NAV1: variants seen among roughly 807,000 people sequenced by gnomAD.
The protein encoded by NAV1 is neuron navigator 1.
A neutral mutation model predicts 175.2 loss-of-function variants in NAV1; 18 were observed. The ratio of observed to expected loss-of-function variants is 0.10; its 90% CI spans 0.07 to 0.15. The LOEUF (loss-of-function observed/expected upper bound fraction) is 0.15. NAV1 is among the 10% of genes least tolerant of loss of function. NAV1 has a pLI of 1.00. For missense variants in NAV1, 1,731 were observed against 2,436.6 expected, an observed-to-expected ratio of 0.71 and a Z score of 6.10; for synonymous variants, 897 against 978.7, an observed-to-expected ratio of 0.92 and a Z score of 1.56.
At chr1:201,817,056 C>T in intron 28 of NAV1, 32 bp from the exon 33 acceptor site, 1 of 1,602,984 alleles carries the variant, frequency 6.2e-7, no homozygotes, top group South Asian at 1.1e-5. Flanking sequence ...CTGTTAATTC[C>T]CCACAGTAAT....
At chr1:201,701,560 A>G (rs1295457415) in intron 1 of NAV1, among the ~76,000 whole-genome samples, 2 of 152,210 alleles carry the variant, frequency 1.3e-5, no homozygotes, top group Non-Finnish European at 2.9e-5. Flanking sequence ...GCTATTGAAC[A>G]CTTGAAATGT....
chr1:201,785,038 G>A (rs1229936976), intron 7 of NAV1, among the ~76,000 whole-genome samples: 1 of 152,186 alleles, frequency 6.6e-6, no homozygotes, highest in Non-Finnish European at 1.5e-5. Context: ...AAAGTGCTGG[G>A]ATTACAGGCG....
chr1:201,700,413 C>T (rs974253603), intron 1 of NAV1, among the ~76,000 whole-genome samples: 4 of 152,000 alleles, frequency 2.6e-5, no homozygotes, highest in Non-Finnish European at 4.4e-5. Flanking sequence ...GTTAGAATGG[C>T]GATCATTAAA....
chr1:201,690,507 A>G (rs1472666395), intron 1 of NAV1, among the ~76,000 whole-genome samples: 1 of 142,260 alleles, frequency 7.0e-6, no homozygotes, highest in African/African-American at 2.7e-5. Flanking sequence ...TGTCTGTGGC[A>G]GAGTGCTGGC....
chr1:201,705,024 G>T (rs1267792306), intron 1 of NAV1, among the ~76,000 whole-genome samples: 1 of 152,120 alleles, frequency 6.6e-6, no homozygotes, highest in East Asian at 1.9e-4. Context: ...TTGCTGTGTT[G>T]CCCAGGCTGG....
chr1:201,558,702 G>A (rs1040178177), intron 1 of NAV1, among the ~76,000 whole-genome samples: 2 of 152,140 alleles, frequency 1.3e-5, no homozygotes, highest in Admixed American at 6.5e-5. Context: ...CACCCGCCTC[G>A]GCCTCCCAAA....
chr1:201,638,383 TG>T (rs1668665752), intron 2 of NAV1, among the ~76,000 whole-genome samples: 2 of 152,178 alleles, frequency 1.3e-5, no homozygotes, highest in African/African-American at 4.8e-5. Context: ...CAGGATTCTG[TG>T]GGGCAGTCTT....
intron 1 of NAV1, among the ~76,000 whole-genome samples, chr1:201,541,869 A>G (rs900579690): frequency 2.6e-5 from 4 of 152,184 alleles, no homozygotes; most frequent in African/African-American, 7.2e-5. Flanking sequence ...TGGGCCCAGT[A>G]GAAAGGAGTG....
At chr1:201,721,813 T>C (rs1316539298) in intron 3 of NAV1, among the ~76,000 whole-genome samples, 1 of 152,162 alleles carries the variant, frequency 6.6e-6, no homozygotes, top group Non-Finnish European at 1.5e-5. Flanking sequence ...GAGTGAGCCA[T>C]AAAAGATGAC....
At chr1:201,629,436 C>G in exon 2 of NAV1, 1 of 1,304,134 alleles carries the variant, frequency 7.7e-7, no homozygotes, top group Non-Finnish European at 1.0e-6. Context: ...GGCCCCCTCT[C>G]CCAGGGCAGC....
upstream of NAV1, among the ~76,000 whole-genome samples, chr1:201,643,437 T>C (rs1398790511): frequency 1.3e-5 from 2 of 151,090 alleles, no homozygotes; most frequent in Non-Finnish European, 2.9e-5. Flanking sequence ...CTTTCTCTTT[T>C]TTTTCTTTTT....
intron 11 of NAV1, among the ~76,000 whole-genome samples, chr1:201,790,016 C>A (rs377045329): frequency 2.0e-4 from 30 of 152,290 alleles, no homozygotes; most frequent in African/African-American, 7.2e-4. Context: ...AGCTCCTGAG[C>A]AACTCTGGTG....
chr1:201,627,257 G>A (rs1001440081), intron 1 of NAV1, among the ~76,000 whole-genome samples: 1 of 151,772 alleles, frequency 6.6e-6, no homozygotes, highest in South Asian at 2.1e-4. Flanking sequence ...CACCACCCTG[G>A]CCTATTCCTA....
intron 2 of NAV1, among the ~76,000 whole-genome samples, chr1:201,606,676 C>T (rs680156): frequency 0.14 from 21,817 of 152,152 alleles, 1,588 homozygotes; most frequent in Admixed American, 0.18. Flanking sequence ...TATCTGTGTT[C>T]ATTGGGGAAG....
chr1:201,732,573 C>T (rs1558107074), intron 3 of NAV1, among the ~76,000 whole-genome samples: 1 of 152,206 alleles, frequency 6.6e-6, no homozygotes, highest in Non-Finnish European at 1.5e-5. Context: ...TAGAGCCCAA[C>T]TGGTCTGGTA....
chr1:201,776,082 T>C (rs1304682303), intron 3 of NAV1, among the ~76,000 whole-genome samples: 9 of 152,100 alleles, frequency 5.9e-5, no homozygotes, highest in Non-Finnish European at 1.2e-4. Context: ...ATATATACAA[T>C]ACCCATACAT....
chr1:201,655,000 A>T (rs982165721), intron 1 of NAV1, among the ~76,000 whole-genome samples: 44 of 152,118 alleles, frequency 2.9e-4, no homozygotes, highest in African/African-American at 1.1e-3. Context: ...CCCCTTTCTT[A>T]TATTTGGGGT....
chr1:201,611,011 C>T (rs780704932), intron 2 of NAV1, among the ~76,000 whole-genome samples: 4 of 152,068 alleles, frequency 2.6e-5, no homozygotes, highest in Non-Finnish European at 2.9e-5. Context: ...TCCTAATCCC[C>T]ATTCAGAGCC....
At chr1:201,658,630 G>A (rs1669495571) in intron 1 of NAV1, among the ~76,000 whole-genome samples, 1 of 152,098 alleles carries the variant, frequency 6.6e-6, no homozygotes. Context: ...GGAGTGCACT[G>A]GGACTCAACT....
Sources: allele counts gnomAD v4.1 joint callset (sites outside exome capture counted in the v4.1 genomes callset), GRCh38; gene constraint gnomAD v4.1.1; transcripts MANE v1.5; gene names NCBI Gene and HGNC (gene_info 2026-07-23, HGNC 2026-07-21).